STRA6: variants seen among roughly 807,000 people sequenced by gnomAD.
The protein encoded by STRA6 is receptor for retinol uptake STRA6.
STRA6 carries 48 observed loss-of-function variants against 83.6 expected under a neutral mutation model. The ratio of observed to expected loss-of-function variants is 0.57; its 90% CI spans 0.46 to 0.73. The LOEUF (loss-of-function observed/expected upper bound fraction) is 0.73, where lower values mean the gene tolerates loss of function less well. Among genes scored for constraint, STRA6 ranks in the 30% least tolerant of loss-of-function variants. The pLI, the probability that STRA6 is intolerant of heterozygous loss-of-function variation, is 0.00. For synonymous variants in STRA6, 353 were observed against 362.3 expected (o/e 0.97, Z 0.29); for missense variants, 760 against 838.8 (o/e 0.91, Z 1.16).
chr15:74,187,227 C>A (rs1156317840), intron 12 of STRA6, among the ~76,000 whole-genome samples: 1 of 152,244 alleles, frequency 6.6e-6, no homozygotes, highest in Non-Finnish European at 1.5e-5. Context: ...CCATCTACCT[C>A]CTACCTCTCT....
intron 13 of STRA6, 65 bp downstream of exon 13, chr15:74,184,915 C>T: frequency 6.6e-7 from 1 of 1,518,804 alleles, no homozygotes; most frequent in South Asian, 1.2e-5. Flanking sequence ...GGCCTCCCCG[C>T]AGGCCCACAG....
chr15:74,190,700 A>T (rs2073486687), intron 11 of STRA6, 140 bp downstream of exon 11: 1 of 1,265,668 alleles, frequency 7.9e-7, no homozygotes. Context: ...GTAGGCCAGA[A>T]CTCCCAAGAT....
intron 8 of STRA6, among the ~76,000 whole-genome samples, chr15:74,192,356 G>C (rs2073589882): frequency 6.6e-6 from 1 of 152,158 alleles, no homozygotes; most frequent in Non-Finnish European, 1.5e-5. Flanking sequence ...TCCTCGAGGG[G>C]TGTTGGCCTC....
intron 1 of STRA6, 199 bp from the exon 2 acceptor site, chr15:74,202,481 G>C (rs566868459): frequency 3.3e-6 from 5 of 1,535,536 alleles, no homozygotes; most frequent in Non-Finnish European, 3.5e-6. Context: ...ACGGGAAGAG[G>C]ACAGGGCCTC....
Position 74,179,854 on chromosome 15 carries a change from GTTTCTTTC to G in STRA6, c.*218_*225del, listed in dbSNP as rs1265833348. ...CCTGGACCAAGGCCCTAACCCACCAGTTTCTTTCTCCAGAACCCCTGCTGGCTCTCCCA... is the reference window on the plus strand; with the variant it reads ...CCTGGACCAAGGCCCTAACCCACCAGTCCAGAACCCCTGCTGGCTCTCCCA... On this transcript the variant is annotated 3_prime_UTR_variant, in exon 19 of 19. Coordinates refer to ENST00000395105, the MANE Select transcript of STRA6 (RefSeq NM_022369.4). The G allele has an allele frequency of 1.7e-6, 1 of 590,602 alleles. No homozygotes were observed. The highest frequency in any genetic ancestry group is 2.9e-6 in the Non-Finnish European group (1 of 341,758). 36.6% of individuals were successfully genotyped at this position (590,602 alleles called of 1,614,324 possible).
At chr15:74,190,110 G>C (rs922116801) in intron 11 of STRA6, among the ~76,000 whole-genome samples, 2 of 152,200 alleles carry the variant, frequency 1.3e-5, no homozygotes, top group Non-Finnish European at 2.9e-5. Context: ...GTATGGAGGG[G>C]TGTTCCTGGA....
upstream of STRA6, among the ~76,000 whole-genome samples, chr15:74,209,182 C>T (rs2074329212): frequency 6.6e-6 from 1 of 152,182 alleles, no homozygotes; most frequent in South Asian, 2.1e-4. Flanking sequence ...GGGCCCCACA[C>T]AACACACAGG....
chr15:74,182,183 C>T lies in STRA6; in HGVS notation c.1498G>A (p.Gly500Arg). 1 of 1,614,112 alleles carries T rather than the reference C, an allele frequency of 6.2e-7. No individual in the cohort carries two copies. Reference sequence around the variant, plus strand: ...CACCGGTTGGTCAGCTGTGGGTGTCCATCATGAGTCTCCAGGAAGACCCAA... The same window carrying T: ...CACCGGTTGGTCAGCTGTGGGTGTCTATCATGAGTCTCCAGGAAGACCCAA... Reference protein sequence around the residue: ...AHWVFLETHDGHPQLTNRRVL... With the variant: ...AHWVFLETHDRHPQLTNRRVL... Residue 500 changes from glycine to arginine, a missense_variant, in exon 16 of 19, where the codon GGA (glycine) becomes AGA (arginine). Coordinates refer to ENST00000395105, the MANE Select transcript of STRA6 (RefSeq NM_022369.4).
chr15:74,181,010 AC>A, intron 17 of STRA6, 73 bp from the exon 18 acceptor site: 3 of 1,593,444 alleles, frequency 1.9e-6, no homozygotes, highest in Non-Finnish European at 2.6e-6. Flanking sequence ...ATCCCCTAAC[AC>A]ACACACAGGG....
At chr15:74,192,538 C>T (rs1192597111) in intron 8 of STRA6, among the ~76,000 whole-genome samples, 1 of 152,154 alleles carries the variant, frequency 6.6e-6, no homozygotes, top group Non-Finnish European at 1.5e-5. Flanking sequence ...CGAGTTAACA[C>T]CCGGTCCCAG....
chr15:74,207,913 G>A (rs1057204051), intron 1 of STRA6: 18 of 1,480,132 alleles, frequency 1.2e-5, no homozygotes, highest in Middle Eastern at 2.4e-4. Flanking sequence ...CCGTGCTCAC[G>A]GCAGGAAGAG....
At chr15:74,183,501 C>A in intron 14 of STRA6, 4 of 1,162,150 alleles carry the variant, frequency 3.4e-6, no homozygotes, top group Non-Finnish European at 4.3e-6. Flanking sequence ...GCCTCAGCCT[C>A]CCAAAGTGCT....
chr15:74,194,789 T>A, intron 7 of STRA6: 1 of 1,278,318 alleles, frequency 7.8e-7, no homozygotes, highest in Non-Finnish European at 9.8e-7. Context: ...ACTCAGGTTG[T>A]CTGGCTCTAA....
In STRA6 at chr15:74,185,018, G is replaced by A. The variant is rs906617433; in HGVS notation, c.1128C>T (p.Leu376=). ...GTGAGCGCATCAGGACCAGGAAGGT[G>A]AGTAAGCAGGACAAGACCAAGGCTG... ...YISALVLSCL[L]TFLVLMRSLV... The change falls in exon 13 of 19, where the codon CTC becomes CTT. Residue 376 remains leucine, a synonymous_variant. Coordinates refer to ENST00000395105, the MANE Select transcript of STRA6 (RefSeq NM_022369.4). 3 of 1,613,952 alleles carry A rather than the reference G, an allele frequency of 1.9e-6. No homozygotes were observed. The highest frequency in any genetic ancestry group is 4.5e-5 in the East Asian group (2 of 44,882).
At chr15:74,191,543 G>T in intron 8 of STRA6, 52 bp from the exon 9 acceptor site, 1 of 1,501,504 alleles carries the variant, frequency 6.7e-7, no homozygotes, top group Non-Finnish European at 9.3e-7. Flanking sequence ...CGACCCATTC[G>T]TGGGTCCCTG....
At chr15:74,193,387 C>T (rs1312715702) in intron 8 of STRA6, among the ~76,000 whole-genome samples, 3 of 152,174 alleles carry the variant, frequency 2.0e-5, no homozygotes, top group African/African-American at 7.2e-5. Flanking sequence ...TATTCAACCA[C>T]ATCCAACCTA....
Position 74,183,917 on chromosome 15 carries a change from G to A in STRA6, c.1239C>T (p.Ser413=), listed in dbSNP as rs2073115135. The A allele has an allele frequency of 6.2e-7, 1 of 1,613,904 alleles. No individual in the cohort carries two copies. The highest frequency in any genetic ancestry group is 1.3e-5 in the African/African-American group (1 of 74,940). Residue 413 remains serine (S), a synonymous_variant, in exon 14 of 19, where the codon TCC becomes TCT. Transcript: ENST00000395105. ...TCATCCAACAGAATATGGCTTGGCG[G>A]GAGGGATGGGGACTCCGATGCAAGG... ...LSPLHRSPHP[S]RQAIFCWMSF...
upstream of STRA6, chr15:74,203,206 A>C: frequency 1.0e-6 from 1 of 972,910 alleles, no homozygotes; most frequent in Non-Finnish European, 1.2e-6. Context: ...CTCATTGGTA[A>C]ACCCTTTTTG....
chr15:74,182,061 G>C, intron 16 of STRA6, 100 bp downstream of exon 16: 2 of 1,059,474 alleles, frequency 1.9e-6, no homozygotes, highest in East Asian at 2.4e-5. Flanking sequence ...CCTTGATAGA[G>C]AGAAGGGATA....
Sources: gnomAD v4.1 joint callset for allele counts (sites outside exome capture counted in the v4.1 genomes callset) on GRCh38, gnomAD v4.1.1 for gene constraint, MANE v1.5 for transcripts, NCBI Gene and HGNC (gene_info 2026-07-23, HGNC 2026-07-21) for gene names.